HPSE2: variants seen among roughly 807,000 people sequenced by gnomAD.
The protein encoded by HPSE2 is inactive heparanase-2.
A neutral mutation model predicts 60.5 loss-of-function variants in HPSE2; 38 were observed. That is an observed-to-expected ratio of 0.63 (90% CI 0.48 to 0.82). HPSE2 has a LOEUF of 0.82. Ranked by LOEUF, HPSE2 falls within the 40% of genes least tolerant of loss-of-function variation. The pLI is 0.00. For synonymous variants in HPSE2, 295 were observed against 293.2 expected, an observed-to-expected ratio of 1.01 and a Z score of -0.06; for missense variants, 713 against 740.4, an observed-to-expected ratio of 0.96 and a Z score of 0.43.
intron 2 of HPSE2, among the ~76,000 whole-genome samples, chr10:99,171,351 G>A (rs929776509): frequency 4.6e-5 from 7 of 152,074 alleles, no homozygotes; most frequent in African/African-American, 7.2e-5. Context: ...CAGTTATTCC[G>A]AATTTAGGAA....
At chr10:98,987,204 T>G (rs1334561896) in intron 3 of HPSE2, among the ~76,000 whole-genome samples, 1 of 152,008 alleles carries the variant, frequency 6.6e-6, no homozygotes, top group African/African-American at 2.4e-5. Context: ...AAAAGAGAAT[T>G]TTAGACCAAT....
rs1940130444 is a variant in HPSE2, at chr10:98,458,226, G to C, written c.*1348C>G. On this transcript the variant is annotated 3_prime_UTR_variant, in exon 12 of 12. Coordinates refer to ENST00000370552, the MANE Select transcript of HPSE2 (RefSeq NM_021828.5). ...AGAAATTGTATCACCGTCTCACTTG[G>C]AACAGTGTCAAATCTCTCCTCCTTC... 1 of 152,158 alleles carries C rather than the reference G, an allele frequency of 6.6e-6. No homozygotes were observed. The highest frequency in any genetic ancestry group is 2.4e-5 in the African/African-American group (1 of 41,406). 9.4% of individuals were successfully genotyped at this position (152,158 alleles called of 1,614,324 possible). A position where few individuals can be genotyped will look rare whatever the true frequency, so the allele number is the denominator to read the frequency against.
intron 9 of HPSE2, among the ~76,000 whole-genome samples, chr10:98,602,593 T>C (rs1296830527): frequency 6.6e-6 from 1 of 152,110 alleles, no homozygotes; most frequent in East Asian, 1.9e-4. Flanking sequence ...CATATACATA[T>C]ATGTATAAAG....
At chr10:99,100,816 G>C (rs1483956711) in intron 3 of HPSE2, among the ~76,000 whole-genome samples, 1 of 152,192 alleles carries the variant, frequency 6.6e-6, no homozygotes, top group Non-Finnish European at 1.5e-5. Flanking sequence ...CTACAAGCCA[G>C]AAGAGAGTAG....
intron 3 of HPSE2, among the ~76,000 whole-genome samples, chr10:98,749,280 T>C (rs142780897): frequency 4.6e-5 from 7 of 152,164 alleles, no homozygotes; most frequent in Non-Finnish European, 8.8e-5. Context: ...CTTATTAAAT[T>C]ACTCAACAAA....
At chr10:98,725,076 T>C (rs1370346285) in intron 4 of HPSE2, among the ~76,000 whole-genome samples, 1 of 152,194 alleles carries the variant, frequency 6.6e-6, no homozygotes, top group Non-Finnish European at 1.5e-5. Flanking sequence ...AGGTCATTTA[T>C]AGATTCAATA....
chr10:99,100,934 G>C (rs1349539382), intron 3 of HPSE2, among the ~76,000 whole-genome samples: 2 of 151,974 alleles, frequency 1.3e-5, no homozygotes, highest in African/African-American at 4.8e-5. Context: ...TTACACACAA[G>C]CAAAGGCTGA....
chr10:99,256,986 C>G, the HPSE2 span, among the ~76,000 whole-genome samples: 1 of 152,128 alleles, frequency 6.6e-6, no homozygotes, highest in South Asian at 2.1e-4. Context: ...TTCCCCAAAT[C>G]AATATTTTTA....
chr10:99,250,068 G>A, the HPSE2 span, among the ~76,000 whole-genome samples: 289 of 151,668 alleles, frequency 1.9e-3, 2 homozygotes, highest in African/African-American at 6.7e-3. Flanking sequence ...ACTTGAAACC[G>A]GAAGGTGGAG....
At chr10:99,026,007 T>G (rs772106829) in intron 3 of HPSE2, among the ~76,000 whole-genome samples, 55 of 151,832 alleles carry the variant, frequency 3.6e-4, no homozygotes, top group Admixed American at 3.2e-3. Flanking sequence ...CTAAATCATG[T>G]GAGCGGAGAA....
intron 3 of HPSE2, among the ~76,000 whole-genome samples, chr10:98,949,249 TGCAC>T (rs1188871251): frequency 5.9e-5 from 4 of 67,788 alleles, no homozygotes; most frequent in Middle Eastern, 7.1e-3. Context: ...CACGCATGCG[TGCAC>T]ACACACACAC....
intron 3 of HPSE2, among the ~76,000 whole-genome samples, chr10:98,827,855 G>A (rs2801408): frequency 0.087 from 13,312 of 152,170 alleles, 1,346 homozygotes; most frequent in African/African-American, 0.24. Context: ...CATTATTCTA[G>A]ATGTTTCTGT....
intron 3 of HPSE2, among the ~76,000 whole-genome samples, chr10:98,936,823 A>G (rs752263081): frequency 7.1e-6 from 1 of 140,982 alleles, no homozygotes; most frequent in Non-Finnish European, 1.5e-5. Flanking sequence ...CCCTAAAAAT[A>G]CAAAAATTAG....
intron 9 of HPSE2, among the ~76,000 whole-genome samples, chr10:98,535,400 T>C (rs1360221747): frequency 6.6e-6 from 1 of 152,012 alleles, no homozygotes; most frequent in Non-Finnish European, 1.5e-5. Context: ...GGGACAACCA[T>C]ACTTATTGAC....
intron 3 of HPSE2, among the ~76,000 whole-genome samples, chr10:99,002,925 T>C (rs1244821661): frequency 1.3e-5 from 2 of 152,046 alleles, no homozygotes; most frequent in Non-Finnish European, 2.9e-5. Flanking sequence ...AATACATTGT[T>C]ATTACCTACA....
chr10:98,781,025 C>A (rs552438915), intron 3 of HPSE2, among the ~76,000 whole-genome samples: 1 of 151,838 alleles, frequency 6.6e-6, no homozygotes, highest in Non-Finnish European at 1.5e-5. Flanking sequence ...CTCTTTCTGC[C>A]CCTAGAAACA....
intron 3 of HPSE2, among the ~76,000 whole-genome samples, chr10:99,122,000 T>G (rs1251769435): frequency 2.6e-5 from 4 of 152,038 alleles, no homozygotes; most frequent in Non-Finnish European, 5.9e-5. Flanking sequence ...TCCACAAAAT[T>G]TTAAGGTGGT....
intron 11 of HPSE2, among the ~76,000 whole-genome samples, chr10:98,462,087 G>T (rs113440812): frequency 6.6e-6 from 1 of 152,192 alleles, no homozygotes; most frequent in Non-Finnish European, 1.5e-5. Flanking sequence ...AGGCACCAAA[G>T]AAATGAAATA....
intron 3 of HPSE2, among the ~76,000 whole-genome samples, chr10:98,969,234 A>T (rs1050338898): frequency 2.0e-5 from 3 of 152,184 alleles, no homozygotes; most frequent in African/African-American, 7.2e-5. Flanking sequence ...TATATGAAAT[A>T]TAAGCACCAA....
Sources: gnomAD v4.1 joint callset for allele counts (sites outside exome capture counted in the v4.1 genomes callset) on GRCh38, gnomAD v4.1.1 for gene constraint, MANE v1.5 for transcripts, NCBI Gene and HGNC (gene_info 2026-07-23, HGNC 2026-07-21) for gene names.